SPEF2: variants seen among roughly 807,000 people sequenced by gnomAD.
SPEF2 encodes sperm flagella and cilia-associated protein 2.
SPEF2 carries 187 observed loss-of-function variants against 224.6 expected under a neutral mutation model. That is an observed-to-expected ratio of 0.83 (90% CI 0.74 to 0.94). The LOEUF is 0.94. SPEF2 is among the 40% of genes least tolerant of loss of function. The probability of loss-of-function intolerance (pLI) is 0.00; values close to 1 mark genes in which losing one functional copy is unlikely to be tolerated. For synonymous variants in SPEF2, 715 were observed against 707.3 expected (o/e 1.01, Z -0.17); for missense variants, 2,170 against 2,135.6 (o/e 1.02, Z -0.32).
chr5:35,748,663 A>T (rs546226685), intron 23 of SPEF2, among the ~76,000 whole-genome samples: 13 of 152,324 alleles, frequency 8.5e-5, no homozygotes, highest in Admixed American at 2.6e-4. Flanking sequence ...ACAAGCAGTG[A>T]GATTGAAATG....
intron 2 of SPEF2, among the ~76,000 whole-genome samples, chr5:35,637,509 A>G (rs529032231): frequency 4.7e-4 from 72 of 152,326 alleles, no homozygotes; most frequent in African/African-American, 1.5e-3. Flanking sequence ...TGATATTTCC[A>G]TGCTAGAGGT....
chr5:35,683,618 T>G (rs1453448080), intron 10 of SPEF2, among the ~76,000 whole-genome samples: 1 of 152,132 alleles, frequency 6.6e-6, no homozygotes, highest in African/African-American at 2.4e-5. Flanking sequence ...GAGTGAGACT[T>G]CGTCTCAAAA....
At chr5:35,808,975 C>A (rs1758377303) in intron 36 of SPEF2, among the ~76,000 whole-genome samples, 1 of 151,804 alleles carries the variant, frequency 6.6e-6, no homozygotes, top group Non-Finnish European at 1.5e-5. Context: ...AGAACACAGG[C>A]TCTGGAATCA....
rs1748685958 is a variant in SPEF2, at chr5:35,654,524, A to T, written c.792-16A>T. 2 of 1,526,094 alleles carry T rather than the reference A, an allele frequency of 1.3e-6. No individual in the cohort carries two copies. The highest frequency in any genetic ancestry group is 1.8e-6 in the Non-Finnish European group (2 of 1,141,602). The allele number at this position is 1,526,094 out of a possible 1,614,324, so 94.5% of individuals were successfully genotyped here. A position where few individuals can be genotyped will look rare whatever the true frequency, so the allele number is the denominator to read the frequency against. Reference sequence around the variant, plus strand: ...ATTATTATTTAAAAATCTAAAATAAAAACTATTATTCTTAGTGCATCCAAG... The same window carrying T: ...ATTATTATTTAAAAATCTAAAATAATAACTATTATTCTTAGTGCATCCAAG... On this transcript the variant is annotated splice_polypyrimidine_tract_variant and intron_variant, in intron 6 of 36. Coordinates refer to ENST00000356031, the MANE Select transcript of SPEF2 (RefSeq NM_024867.4).
chr5:35,619,600 C>G (rs1743211450), intron 1 of SPEF2, among the ~76,000 whole-genome samples: 1 of 152,008 alleles, frequency 6.6e-6, no homozygotes. Flanking sequence ...TCGCTTGAAC[C>G]CAGGAGGCAG....
intron 12 of SPEF2, among the ~76,000 whole-genome samples, chr5:35,693,314 A>G (rs1754795765): frequency 6.6e-6 from 1 of 152,140 alleles, no homozygotes; most frequent in African/African-American, 2.4e-5. Context: ...CTTTGTCTCC[A>G]GTCTCACAGT....
intron 18 of SPEF2, among the ~76,000 whole-genome samples, chr5:35,708,163 T>C (rs1239422655): frequency 6.6e-6 from 1 of 152,142 alleles, no homozygotes; most frequent in African/African-American, 2.4e-5. Context: ...TTCCTTTTCT[T>C]CAAGGCATAA....
intron 1 of SPEF2, among the ~76,000 whole-genome samples, chr5:35,618,907 AG>A (rs563179102): frequency 7.9e-4 from 119 of 150,598 alleles, no homozygotes; most frequent in Middle Eastern, 3.4e-3. Flanking sequence ...AGAGGTTTTC[AG>A]GGCAAGTCAT....
At chr5:35,666,220 A>T (rs1214492227) in intron 8 of SPEF2, among the ~76,000 whole-genome samples, 3 of 152,150 alleles carry the variant, frequency 2.0e-5, no homozygotes, top group Admixed American at 2.0e-4. Flanking sequence ...ACAGGAGGGA[A>T]GTCTTTTTCC....
chr5:35,793,947 G>C lies in SPEF2; in HGVS notation c.4737+606G>C, dbSNP rs143836117. Among the ~76,000 whole-genome samples the C allele has an allele frequency of 2.5e-3, 386 of 152,322 alleles. 7 individuals carry two copies. The highest frequency in any genetic ancestry group is 0.021 in the Admixed American group (317 of 15,304). ...GTAAGTGGTTATTGAATTTATGAAT[G>C]TATGAGATCACTCAAGGAAAGTAAT... On this transcript the variant is annotated intron_variant, in intron 32 of 36. Coordinates refer to ENST00000356031, the MANE Select transcript of SPEF2 (RefSeq NM_024867.4).
chr5:35,795,332 C>T (rs923229978), intron 32 of SPEF2, among the ~76,000 whole-genome samples: 5 of 152,314 alleles, frequency 3.3e-5, no homozygotes, highest in Non-Finnish European at 5.9e-5. Context: ...GGGGCACAGA[C>T]TCCTCCGAAA....
intron 1 of SPEF2, among the ~76,000 whole-genome samples, chr5:35,623,650 G>T (rs925346038): frequency 6.6e-6 from 1 of 152,190 alleles, no homozygotes; most frequent in African/African-American, 2.4e-5. Flanking sequence ...GACCAGTGGG[G>T]GAGTTATAGC....
chr5:35,660,329 C>T (rs74637316), intron 8 of SPEF2, among the ~76,000 whole-genome samples: 2,915 of 152,194 alleles, frequency 0.019, 107 homozygotes, highest in African/African-American at 0.067. Flanking sequence ...AAGATATTCA[C>T]AAAACCAGAC....
At chr5:35,690,886 A>T in intron 10 of SPEF2, 151 bp from the exon 11 acceptor site, 1 of 562,834 alleles carries the variant, frequency 1.8e-6, no homozygotes, top group Non-Finnish European at 3.0e-6. Flanking sequence ...TGAAACTATT[A>T]TTAATGTTAT....
chr5:35,684,799 G>T (rs958017537), intron 10 of SPEF2, among the ~76,000 whole-genome samples: 1 of 152,138 alleles, frequency 6.6e-6, no homozygotes, highest in Admixed American at 6.5e-5. Context: ...CCTTTAAAAA[G>T]GGTTAAGTGA....
chr5:35,751,038 C>CATATGTATATATATATACGTATAT, intron 23 of SPEF2, among the ~76,000 whole-genome samples: 1 of 27,240 alleles, frequency 3.7e-5, no homozygotes, highest in African/African-American at 1.0e-4. Context: ...TATATATACA[C>CATATGTATATATATATACGTATAT]ATATGTATAT....
At chr5:35,751,006 T>C (rs1315351617) in intron 23 of SPEF2, among the ~76,000 whole-genome samples, 14 of 118,386 alleles carry the variant, frequency 1.2e-4, no homozygotes, top group African/African-American at 4.6e-4. Context: ...TGTATATATA[T>C]ATATACGTAT....
At chr5:35,715,519 G>A (rs1202414158) in intron 20 of SPEF2, among the ~76,000 whole-genome samples, 2 of 151,962 alleles carry the variant, frequency 1.3e-5, no homozygotes, top group Non-Finnish European at 2.9e-5. Flanking sequence ...GAAATCCTAG[G>A]TGATAAATTT....
intron 14 of SPEF2, among the ~76,000 whole-genome samples, chr5:35,697,017 CAG>C (rs1755435120): frequency 6.6e-6 from 1 of 152,052 alleles, no homozygotes; most frequent in Non-Finnish European, 1.5e-5. Context: ...TCAGGTCAGT[CAG>C]GGCCTCAGGC....
Sources: gnomAD v4.1 joint callset for allele counts (sites outside exome capture counted in the v4.1 genomes callset) on GRCh38, gnomAD v4.1.1 for gene constraint, MANE v1.5 for transcripts, NCBI Gene and HGNC (gene_info 2026-07-23, HGNC 2026-07-21) for gene names.